OR10J1: variants seen among roughly 807,000 people sequenced by gnomAD.
The protein encoded by OR10J1 is olfactory receptor family 10 subfamily J member 1, also known as olfactory receptor 10J1.
For missense variants in OR10J1, 474 were observed against 376.6 expected (o/e 1.26, Z -2.14); for synonymous variants, 202 against 143.8 (o/e 1.40, Z -2.89).
upstream of OR10J1, among the ~76,000 whole-genome samples, chr1:159,436,885 CA>C (rs1419199653): frequency 2.6e-5 from 4 of 152,168 alleles, no homozygotes; most frequent in Non-Finnish European, 5.9e-5. Context: ...GTCTCACTTA[CA>C]GTTACATTTC....
the OR10J1 span, chr1:159,406,396 G>T: frequency 2.5e-6 from 1 of 400,592 alleles, no homozygotes. Context: ...GAAGGAAATG[G>T]ACAACGGAAA....
In OR10J1 at chr1:159,440,561, C is replaced by T. The variant is rs1322820368; in HGVS notation, c.770C>T (p.Ala257Val). 7 of 1,613,920 alleles carry T rather than the reference C, an allele frequency of 4.3e-6. No homozygotes were observed. In the African/African-American group the frequency reaches 5.3e-5, roughly 12 times the overall value. Reference protein sequence around the residue: ...VIVHYSCASIAYLKPKSENTR... With the variant: ...VIVHYSCASIVYLKPKSENTR... ...GTCCACTACAGCTGTGCCTCCATTG[C>T]CTACCTCAAGCCCAAGTCAGAGAAC... is the stretch of plus-strand genomic sequence containing the variant. Residue 257 changes from alanine (A) to valine (V), a missense_variant, in exon 1 of 1, where the codon GCC (alanine) becomes GTC (valine). Coordinates refer to ENST00000423932, the MANE Select transcript of OR10J1 (RefSeq NM_012351.3).
At chr1:159,423,027 G>A in the OR10J1 span, among the ~76,000 whole-genome samples, 1 of 152,090 alleles carries the variant, frequency 6.6e-6, no homozygotes, top group Non-Finnish European at 1.5e-5. Context: ...CCTCTCCGTG[G>A]AAGAGGTGAA....
the OR10J1 span, among the ~76,000 whole-genome samples, chr1:159,404,456 C>T: frequency 1.3e-5 from 2 of 151,994 alleles, no homozygotes; most frequent in African/African-American, 4.8e-5. Flanking sequence ...CGCGACAGTG[C>T]CACATTTGTA....
the OR10J1 span, among the ~76,000 whole-genome samples, chr1:159,402,502 C>A: frequency 3.6e-3 from 545 of 151,840 alleles, no homozygotes; most frequent in Non-Finnish European, 6.2e-3. Context: ...AAAAAAAATC[C>A]CATTTACAAT....
the OR10J1 span, among the ~76,000 whole-genome samples, chr1:159,398,608 A>G: frequency 7.2e-5 from 11 of 152,312 alleles, no homozygotes; most frequent in East Asian, 2.1e-3. Flanking sequence ...GAAAAATGCA[A>G]TTGGTATACT....
chr1:159,411,214 T>C, the OR10J1 span, among the ~76,000 whole-genome samples: 12 of 152,110 alleles, frequency 7.9e-5, no homozygotes, highest in Non-Finnish European at 1.6e-4. Flanking sequence ...TCTATTAGGT[T>C]CACTTGGTGC....
chr1:159,404,868 T>C, the OR10J1 span, among the ~76,000 whole-genome samples: 2 of 152,182 alleles, frequency 1.3e-5, 1 homozygote, highest in South Asian at 4.1e-4. Flanking sequence ...ATAGGGTTCA[T>C]TAAGGATCAG....
upstream of OR10J1, among the ~76,000 whole-genome samples, chr1:159,439,271 G>A (rs778695643): frequency 5.9e-5 from 9 of 152,176 alleles, no homozygotes; most frequent in African/African-American, 9.7e-5. Context: ...TTATTTTCAA[G>A]CACCCAATCC....
At chr1:159,430,566 C>T in the OR10J1 span, among the ~76,000 whole-genome samples, 3 of 151,252 alleles carry the variant, frequency 2.0e-5, no homozygotes, top group African/African-American at 7.3e-5. Flanking sequence ...CCGGACCTTT[C>T]AACAGGGATT....
chr1:159,405,917 G>A, the OR10J1 span: 1 of 528,408 alleles, frequency 1.9e-6, no homozygotes, highest in Non-Finnish European at 3.6e-6. Context: ...GCCATGCCCA[G>A]GCCAATCCTC....
chr1:159,436,946 G>A (rs1368328350), upstream of OR10J1, among the ~76,000 whole-genome samples: 1 of 152,134 alleles, frequency 6.6e-6, no homozygotes, highest in Non-Finnish European at 1.5e-5. Flanking sequence ...GCTCCTGGAG[G>A]GTTGGTGCAG....
the OR10J1 span, among the ~76,000 whole-genome samples, chr1:159,424,484 T>G: frequency 1.3e-5 from 2 of 149,948 alleles, no homozygotes; most frequent in South Asian, 4.2e-4. Context: ...TATACATATA[T>G]GTATATTGAA....
the OR10J1 span, among the ~76,000 whole-genome samples, chr1:159,431,126 G>A: frequency 2.6e-5 from 4 of 152,148 alleles, no homozygotes; most frequent in African/African-American, 7.2e-5. Context: ...GGTATTAAAC[G>A]CATAATATTT....
chr1:159,415,725 T>C, the OR10J1 span, among the ~76,000 whole-genome samples: 2 of 152,030 alleles, frequency 1.3e-5, no homozygotes, highest in African/African-American at 4.8e-5. Context: ...AATATTCACT[T>C]TTAGTAATAT....
chr1:159,439,693 A>G, upstream of OR10J1: 1 of 1,431,310 alleles, frequency 7.0e-7, no homozygotes, highest in Non-Finnish European at 9.7e-7. Context: ...TGTAACTGAG[A>G]ACTATTGAAC....
the OR10J1 span, among the ~76,000 whole-genome samples, chr1:159,402,903 A>T: frequency 6.6e-6 from 1 of 152,124 alleles, no homozygotes; most frequent in Non-Finnish European, 1.5e-5. Flanking sequence ...CTAGTGTCAT[A>T]AAAACAAACA....
chr1:159,420,931 G>A, the OR10J1 span, among the ~76,000 whole-genome samples: 11 of 152,158 alleles, frequency 7.2e-5, no homozygotes, highest in South Asian at 2.1e-3. Flanking sequence ...GTATCTTGAT[G>A]TTCCCAAATA....
the OR10J1 span, among the ~76,000 whole-genome samples, chr1:159,420,772 T>G: frequency 1.3e-5 from 2 of 152,130 alleles, no homozygotes; most frequent in African/African-American, 4.8e-5. Context: ...ATGCTGTTAG[T>G]CTGATCAAAG....
Sources: gnomAD v4.1 joint callset for allele counts (sites outside exome capture counted in the v4.1 genomes callset) on GRCh38, gnomAD v4.1.1 for gene constraint, MANE v1.5 for transcripts, NCBI Gene and HGNC (gene_info 2026-07-23, HGNC 2026-07-21) for gene names.